Variants in MAD1L1 observed in about 807,000 individuals in gnomAD.
MAD1L1 encodes the protein mitotic spindle assembly checkpoint protein MAD1.
A neutral mutation model predicts 96.9 loss-of-function variants in MAD1L1; 95 were observed. The ratio of observed to expected loss-of-function variants is 0.98; its 90% CI spans 0.83 to 1.16. The LOEUF (loss-of-function observed/expected upper bound fraction) is 1.16. Ranked by LOEUF, MAD1L1 falls within the 50% of genes most tolerant of loss-of-function variation. The pLI, the probability that MAD1L1 is intolerant of heterozygous loss-of-function variation, is 0.00. For synonymous variants in MAD1L1, 473 were observed against 396.6 expected (o/e 1.19, Z -2.29); for missense variants, 1,007 against 954.4 (o/e 1.06, Z -0.73).
At chr7:2,068,523 T>C (rs543681752) in intron 12 of MAD1L1, among the ~76,000 whole-genome samples, 82 of 152,244 alleles carry the variant, frequency 5.4e-4, no homozygotes, top group African/African-American at 1.7e-3. Context: ...CACTCAGCAC[T>C]AGCTGGAGGC....
At chr7:2,199,430 G>A (rs1310841445) in intron 10 of MAD1L1, among the ~76,000 whole-genome samples, 6 of 152,218 alleles carry the variant, frequency 3.9e-5, no homozygotes, top group Non-Finnish European at 2.9e-5. Context: ...CATGAAGGGC[G>A]CCTGCAGCCT....
At chr7:2,156,406 G>A (rs866052917) in intron 10 of MAD1L1, among the ~76,000 whole-genome samples, 1 of 120,972 alleles carries the variant, frequency 8.3e-6, no homozygotes. Flanking sequence ...AGCCTGCCCC[G>A]CCCCACCCCA....
chr7:2,083,147 T>C (rs935673736), intron 11 of MAD1L1, among the ~76,000 whole-genome samples: 1 of 152,198 alleles, frequency 6.6e-6, no homozygotes, highest in African/African-American at 2.4e-5. Flanking sequence ...GCATTCCCCG[T>C]GCTGAGTAAC....
intron 11 of MAD1L1, among the ~76,000 whole-genome samples, chr7:2,084,956 G>A (rs1243497895): frequency 5.9e-5 from 9 of 152,114 alleles, no homozygotes; most frequent in Admixed American, 1.3e-4. Context: ...AACATACATC[G>A]TCACGTTTAT....
chr7:2,187,966 T>C (rs546707800), intron 10 of MAD1L1, among the ~76,000 whole-genome samples: 1 of 152,336 alleles, frequency 6.6e-6, no homozygotes, highest in African/African-American at 2.4e-5. Flanking sequence ...TAAAAATTTG[T>C]ATCTACCACC....
rs374154276 is a variant in MAD1L1 at position 2,222,596 on chromosome 7, G to C, written c.450C>G (p.Asp150Glu). ...TCACCTCGCCAGCCTGGGCCAGACT[G>C]TCCTCTTTCTCACGCAGCCTCTTGC... ...AASKRLREKE[D>E]SLAQAGETIN... The change falls in exon 5 of 19, where the codon GAC (aspartate) becomes GAG (glutamate). Residue 150 changes from aspartate to glutamate, a missense_variant. Physicochemically the swap from Asp to Glu is conservative, Grantham distance 45 (BLOSUM62 2). Coordinates refer to ENST00000265854, the MANE Select transcript of MAD1L1 (RefSeq NM_001013836.2). 1 of 1,610,528 alleles carries C rather than the reference G, an allele frequency of 6.2e-7. No individual in the cohort carries two copies. Among genetic ancestry groups the C allele is most frequent in the African/African-American group, 1.3e-5 (1 of 74,894 alleles).
intron 16 of MAD1L1, among the ~76,000 whole-genome samples, chr7:1,938,926 C>CACAT (rs1311219434): frequency 7.2e-6 from 1 of 138,890 alleles, no homozygotes; most frequent in Non-Finnish European, 1.5e-5. Flanking sequence ...CACACACACA[C>CACAT]ACATACAGGC....
chr7:2,217,281 C>CG (rs1562381609), intron 7 of MAD1L1, among the ~76,000 whole-genome samples: 1 of 152,204 alleles, frequency 6.6e-6, no homozygotes, highest in Non-Finnish European at 1.5e-5. Context: ...CCAAACCAGA[C>CG]GGTCATTCAA....
In MAD1L1 at chr7:2,220,957, C is replaced by A. The variant is rs749047251; in HGVS notation, c.472-1501G>T. ...AGGGTCACCCGTGTTGTAGGGGACG[C>A]CGGACAGTTGGCAAGGAAGAGGCGC... On this transcript the variant is annotated intron_variant, in intron 5 of 18. Coordinates refer to ENST00000265854, the MANE Select transcript of MAD1L1 (RefSeq NM_001013836.2). 10 of 1,612,274 alleles carry A rather than the reference C, an allele frequency of 6.2e-6. No homozygotes were observed. The East Asian group carries it at 1.8e-4, about 29-fold the overall frequency.
At chr7:1,848,904 A>G (rs1783792808) in intron 18 of MAD1L1, 1 of 154,418 alleles carries the variant, frequency 6.5e-6, no homozygotes, top group African/African-American at 2.4e-5. Context: ...GTGCCTCAAT[A>G]GGACAGCCTC....
intron 15 of MAD1L1, among the ~76,000 whole-genome samples, chr7:1,966,559 G>GAA (rs1780173135): frequency 1.9e-5 from 1 of 52,546 alleles, no homozygotes; most frequent in African/African-American, 1.0e-4. Context: ...CCCAAACTTG[G>GAA]CAAAAAAAAA....
intron 12 of MAD1L1, among the ~76,000 whole-genome samples, chr7:2,042,340 CAG>C (rs1783725745): frequency 6.6e-6 from 1 of 152,182 alleles, no homozygotes; most frequent in African/African-American, 2.4e-5. Context: ...GACACACGCA[CAG>C]ACACACACAT....
At chr7:2,046,096 G>A (rs1562634999) in intron 12 of MAD1L1, among the ~76,000 whole-genome samples, 1 of 152,158 alleles carries the variant, frequency 6.6e-6, no homozygotes. Flanking sequence ...AGGGTCCCAT[G>A]TAAGCCCCAG....
rs139189312 is a variant in MAD1L1 at position 2,172,737 on chromosome 7, T to C, written c.987-23499A>G. ...GGTAAGGGATAGAGGACCGAGGCCC[T>C]AACCAGCTGAGAACCCACGTGGCTG... On this transcript the variant is annotated intron_variant, in intron 10 of 18. Coordinates refer to ENST00000265854, the MANE Select transcript of MAD1L1 (RefSeq NM_001013836.2). 3.9e-3 allele frequency among the ~76,000 whole-genome samples: 596 copies of C among 152,292 alleles called. 8 individuals are homozygous for C. Among genetic ancestry groups the C allele is most frequent in the African/African-American group, 0.013 (545 of 41,574 alleles).
At chr7:2,068,152 G>A (rs1219827397) in intron 12 of MAD1L1, among the ~76,000 whole-genome samples, 1 of 152,232 alleles carries the variant, frequency 6.6e-6, no homozygotes, top group Non-Finnish European at 1.5e-5. Context: ...TCCCCTGTCT[G>A]GGGTGCACCT....
chr7:2,227,338 C>A (rs1162595404), intron 3 of MAD1L1, among the ~76,000 whole-genome samples: 1 of 152,258 alleles, frequency 6.6e-6, no homozygotes, highest in East Asian at 1.9e-4. Flanking sequence ...ATTCTCAGGG[C>A]GTTCACATGC....
chr7:2,173,521 C>A (rs1033959291), intron 10 of MAD1L1, among the ~76,000 whole-genome samples: 1 of 152,212 alleles, frequency 6.6e-6, no homozygotes, highest in African/African-American at 2.4e-5. Flanking sequence ...ATCGCTCATT[C>A]CACCCTGGCT....
intron 11 of MAD1L1, among the ~76,000 whole-genome samples, chr7:2,070,964 T>C (rs1381622952): frequency 3.3e-5 from 5 of 150,968 alleles, no homozygotes; most frequent in African/African-American, 1.2e-4. Context: ...TGGTGGATGG[T>C]GCTTTCTTGG....
chr7:1,816,331 C>G, intron 18 of MAD1L1, 103 bp from the exon 19 acceptor site: 1 of 1,190,726 alleles, frequency 8.4e-7, no homozygotes. Flanking sequence ...GGGCTTCCCT[C>G]AGTCTGAGGA....
Sources: allele counts gnomAD v4.1 joint callset (sites outside exome capture counted in the v4.1 genomes callset), GRCh38; gene constraint gnomAD v4.1.1; transcripts MANE v1.5; gene names NCBI Gene and HGNC (gene_info 2026-07-23, HGNC 2026-07-21).